The following MON1B variants were observed in gnomAD, a reference collection of about 807,000 sequenced individuals.
MON1B encodes the protein MON1 vesicular trafficking associated B.
MON1B carries 26 observed loss-of-function variants against 45.1 expected under a neutral mutation model. That is an observed-to-expected ratio of 0.58 (90% CI 0.42 to 0.80). The LOEUF (loss-of-function observed/expected upper bound fraction) is 0.80, where lower values mean the gene tolerates loss of function less well. Among genes scored for constraint, MON1B ranks in the 30% least tolerant of loss-of-function variants. The pLI is 0.00. For synonymous variants in MON1B, 395 were observed against 320.2 expected, an observed-to-expected ratio of 1.23 and a Z score of -2.49; for missense variants, 737 against 754.5, an observed-to-expected ratio of 0.98 and a Z score of 0.27.
intron 5 of MON1B, 43 bp downstream of exon 5, chr16:77,195,725 A>G (rs368413301): frequency 7.8e-5 from 126 of 1,607,034 alleles, no homozygotes; most frequent in Admixed American, 3.9e-4. Context: ...CCCCACTTCA[A>G]GCCTCCTTTC....
Position 77,195,601 on chromosome 16 carries a change from C to G in MON1B, c.1362C>G (p.Arg454=), listed in dbSNP as rs765963556. The change falls in exon 5 of 6, where the codon CGC becomes CGG. Residue 454 remains arginine, a synonymous_variant. Coordinates refer to ENST00000248248, the MANE Select transcript of MON1B (RefSeq NM_014940.4). ...ERQRLSDLYH[R]LHARLHSTSR... Reference sequence around the variant, plus strand: ...AGCGGCTGTCGGACCTGTACCACCGCCTGCATGCTCGTCTCCACAGCACCT... The same window carrying G: ...AGCGGCTGTCGGACCTGTACCACCGGCTGCATGCTCGTCTCCACAGCACCT... 1.2e-6 allele frequency: 2 copies of G among 1,614,150 alleles called. No homozygotes were observed. The highest frequency in any genetic ancestry group is 2.2e-5 in the South Asian group (2 of 91,084).
intron 5 of MON1B, among the ~76,000 whole-genome samples, chr16:77,196,631 C>T (rs1181095436): frequency 6.6e-6 from 1 of 152,092 alleles, no homozygotes; most frequent in Non-Finnish European, 1.5e-5. Flanking sequence ...CAAAAATTAG[C>T]TGGGCGTGGT....
rs2054653016 is a variant in MON1B at position 77,195,150 on chromosome 16, A to T, written c.1291A>T (p.Thr431Ser). The change falls in exon 4 of 6, where the codon ACC becomes TCC. Residue 431 changes from threonine to serine, a missense_variant. Coordinates refer to ENST00000248248, the MANE Select transcript of MON1B (RefSeq NM_014940.4). ...CCACCACCGCCAACTGCCCCAGTTTACCAGGTAGGCCCTGACCCTAAGGCA... is the reference window on the plus strand; with the variant it reads ...CCACCACCGCCAACTGCCCCAGTTTTCCAGGTAGGCCCTGACCCTAAGGCA... ...PDHHRQLPQF[T>S]SPELEAPYSR... 1 of 1,589,536 alleles carries T rather than the reference A, an allele frequency of 6.3e-7. No individual in the cohort carries two copies. Among genetic ancestry groups the T allele is most frequent in the African/African-American group, 1.3e-5 (1 of 74,746 alleles).
Position 77,195,569 on chromosome 16 carries a change from G to A in MON1B, c.1330G>A (p.Glu444Lys). 1 of 1,614,024 alleles carries A rather than the reference G, an allele frequency of 6.2e-7. No homozygotes were observed. Among genetic ancestry groups the A allele is most frequent in the East Asian group, 2.2e-5 (1 of 44,858 alleles). The change falls in exon 5 of 6, where the codon GAG becomes AAG. Residue 444 changes from glutamate to lysine, a missense_variant. By Grantham distance (56) the Glu-to-Lys change is moderately conservative (BLOSUM62 1). Coordinates refer to ENST00000248248, the MANE Select transcript of MON1B (RefSeq NM_014940.4). Reference sequence around the variant, plus strand: ...AGAGGCCCCCTACAGCAGAGAGGAGGAGCGGCAGCGGCTGTCGGACCTGTA... The same window carrying A: ...AGAGGCCCCCTACAGCAGAGAGGAGAAGCGGCAGCGGCTGTCGGACCTGTA... ...ELEAPYSREE[E>K]RQRLSDLYHR...
intron 1 of MON1B, 68 bp downstream of exon 1, chr16:77,191,326 G>GT (rs397715871): frequency 1.7e-4 from 264 of 1,545,682 alleles, no homozygotes; most frequent in Non-Finnish European, 2.2e-4. Flanking sequence ...TTGGAGGGGG[G>GT]ACGTATTTGG....
rs201491452 is a variant in MON1B, at chr16:77,193,491, G to A, written c.189G>A (p.Pro63=). ...ACCAGCCACCCAGCCCATCACCACC[G>A]CCCCAGTCAGAGGCCCTGTCAAGCA... ...DKDQPPSPSP[P]PQSEALSSTS... The change falls in exon 3 of 6, where the codon CCG becomes CCA. Residue 63 remains proline (P), a synonymous_variant. Coordinates refer to ENST00000248248, the MANE Select transcript of MON1B (RefSeq NM_014940.4). This position sits in a 1 kb window ranked among gnomAD's most constrained non-coding sequence, Gnocchi z 5.0. 103 of 1,595,796 alleles carry A rather than the reference G, an allele frequency of 6.5e-5. No individual in the cohort carries two copies. The highest frequency in any genetic ancestry group is 5.1e-4 in the African/African-American group (38 of 74,738).
chr16:77,195,683 G>C lies in MON1B; in HGVS notation c.1443+1G>C. The C allele has an allele frequency of 6.2e-7, 1 of 1,614,060 alleles. No homozygotes were observed. The highest frequency in any genetic ancestry group is 8.5e-7 in the Non-Finnish European group (1 of 1,179,974). ...TGAGAAGGAGACACTACTGGCCTGGGTAAGTTGGGCAGGGCTCTGAGTGAA... is the reference window on the plus strand; with the variant it reads ...TGAGAAGGAGACACTACTGGCCTGGCTAAGTTGGGCAGGGCTCTGAGTGAA... On this transcript the variant is annotated splice_donor_variant, in intron 5 of 5. Coordinates refer to ENST00000248248, the MANE Select transcript of MON1B (RefSeq NM_014940.4). LOFTEE classifies it high-confidence loss of function.
intron 5 of MON1B, 57 bp from the exon 6 acceptor site, chr16:77,198,051 A>G: frequency 1.3e-6 from 2 of 1,545,436 alleles, no homozygotes; most frequent in East Asian, 2.3e-5. Context: ...TGGGGTAGGC[A>G]GGATTGTCCA....
chr16:77,191,562 A>T lies in MON1B; in HGVS notation c.77A>T (p.Glu26Val). 1.2e-6 allele frequency: 2 copies of T among 1,608,980 alleles called. No individual in the cohort carries two copies. The highest frequency in any genetic ancestry group is 8.5e-7 in the Non-Finnish European group (1 of 1,178,710). The change falls in exon 2 of 6, where the codon GAG becomes GTG. Residue 26 changes from glutamate (E) to valine (V), a missense_variant. Coordinates refer to ENST00000248248, the MANE Select transcript of MON1B (RefSeq NM_014940.4). Reference protein sequence around the residue: ...EDLEDTQFPSEEAREGGGVHA... With the variant: ...EDLEDTQFPSVEAREGGGVHA... ...TTGGAGGACACGCAGTTCCCCAGTGAGGAAGCTAGAGAAGGTGGAGGGGTT... is the reference window on the plus strand; with the variant it reads ...TTGGAGGACACGCAGTTCCCCAGTGTGGAAGCTAGAGAAGGTGGAGGGGTT...
intron 5 of MON1B, among the ~76,000 whole-genome samples, chr16:77,197,170 G>A (rs1323892822): frequency 1.3e-5 from 2 of 151,876 alleles, no homozygotes; most frequent in African/African-American, 4.8e-5. Context: ...GGGAGTGGGC[G>A]GCGAGTCACA....
chr16:77,194,101 C>A lies in MON1B; in HGVS notation c.476-234C>A, dbSNP rs913133122. 5 of 611,034 alleles carry A rather than the reference C, an allele frequency of 8.2e-6. No homozygotes were observed. Among genetic ancestry groups the A allele is most frequent in the Non-Finnish European group, 1.2e-5 (4 of 342,642 alleles). 37.9% of individuals were successfully genotyped at this position (611,034 alleles called of 1,614,324 possible). A position where few individuals can be genotyped will look rare whatever the true frequency, so the allele number is the denominator to read the frequency against. On this transcript the variant is annotated intron_variant, in intron 3 of 5. Transcript: ENST00000248248. This position sits in a 1 kb window ranked among gnomAD's most constrained non-coding sequence, Gnocchi z 8.1. ...CCTTGTACCATCTCTACCCGCCTGC[C>A]CGTGGTCTTTGCTGTGTATCTAACC...
chr16:77,195,415 A>C (rs2054655359), intron 4 of MON1B, 120 bp from the exon 5 acceptor site: 3 of 1,299,810 alleles, frequency 2.3e-6, no homozygotes, highest in South Asian at 1.5e-5. Flanking sequence ...AGAATCCTCA[A>C]GTCTCATGGG....
Position 77,194,929 on chromosome 16 carries a change from G to A in MON1B, c.1070G>A (p.Arg357His), listed in dbSNP as rs372814782. 1 of 1,613,700 alleles carries A rather than the reference G, an allele frequency of 6.2e-7. No individual in the cohort carries two copies. Among genetic ancestry groups the A allele is most frequent in the African/African-American group, 1.3e-5 (1 of 75,068 alleles). Residue 357 changes from arginine (R) to histidine (H), a missense_variant, in exon 4 of 6, where the codon CGT becomes CAT. Arg to His is a conservative substitution (Grantham distance 29). Transcript: ENST00000248248. The surrounding 1 kb of genome is among the most constrained non-coding windows in gnomAD (Gnocchi z 8.1). ...TGCCTGCTGCTGCTTGGCACCCAAC[G>A]TGAAGCCTTCCATGCCATGGCCGCC... is the stretch of plus-strand genomic sequence containing the variant. The part of the protein sequence containing the change: ...PVCLLLLGTQ[R>H]EAFHAMAACR...
Position 77,200,272 on chromosome 16 carries a change from GTGTA to G in MON1B, c.*1966_*1969del, listed in dbSNP as rs1366210458. The G allele has an allele frequency of 1.1e-4, 9 of 84,654 alleles. 1 individual carries two copies. Among genetic ancestry groups the G allele is most frequent in the Non-Finnish European group, 1.4e-4 (6 of 42,936 alleles). 5.2% of individuals were successfully genotyped at this position (84,654 alleles called of 1,614,324 possible). A position where few individuals can be genotyped will look rare whatever the true frequency, so the allele number is the denominator to read the frequency against. On this transcript the variant is annotated 3_prime_UTR_variant, in exon 6 of 6. Transcript: ENST00000248248. ...TGTATATGTGTATATATATATATATGTGTATATATATATATATATACACACACTA... is the reference window on the plus strand; with the variant it reads ...TGTATATGTGTATATATATATATATGTATATATATATATATACACACACTA...
chr16:77,199,374 A>T lies in MON1B; in HGVS notation c.*1066A>T, dbSNP rs1279808437. 2.1e-6 allele frequency: 3 copies of T among 1,456,094 alleles called. No homozygotes were observed. Among genetic ancestry groups the T allele is most frequent in the Non-Finnish European group, 2.8e-6 (3 of 1,065,074 alleles). 90.2% of individuals were successfully genotyped at this position (1,456,094 alleles called of 1,614,324 possible). ...CCGCGGGTTGCACGCATGCGTGCTG[A>T]AAAGCCTTTCACCCTCACGTGGTTT... On this transcript the variant is annotated 3_prime_UTR_variant, in exon 6 of 6. Transcript: ENST00000248248.
At chr16:77,191,355 C>T (rs1475387865) in intron 1 of MON1B, 97 bp downstream of exon 1, 6 of 1,564,604 alleles carry the variant, frequency 3.8e-6, no homozygotes, top group South Asian at 1.1e-5. Flanking sequence ...TTGGATGTCT[C>T]GTCCTATTGA....
intron 5 of MON1B, 132 bp from the exon 6 acceptor site, chr16:77,197,976 G>A (rs73632722): frequency 0.014 from 12,197 of 866,948 alleles, 630 homozygotes; most frequent in African/African-American, 0.14. Context: ...TATCTAGGCA[G>A]CACCTGGTAG....
chr16:77,191,473 C>T lies in MON1B; in HGVS notation c.-10-3C>T. The T allele has an allele frequency of 6.3e-7, 1 of 1,596,026 alleles. No individual in the cohort carries two copies. Among genetic ancestry groups the T allele is most frequent in the South Asian group, 1.1e-5 (1 of 89,158 alleles). On this transcript the variant is annotated splice_polypyrimidine_tract_variant and splice_region_variant and intron_variant, in intron 1 of 5. Transcript: ENST00000248248. ...CGTCACCCTCGATTCCCCTCCCACTCAGGGATGTGCAGATGGAGGTCGGAG... is the reference window on the plus strand; with the variant it reads ...CGTCACCCTCGATTCCCCTCCCACTTAGGGATGTGCAGATGGAGGTCGGAG...
In MON1B at chr16:77,201,789, A is replaced by G. The variant is rs531936541; in HGVS notation, c.*3481A>G. 6.6e-6 allele frequency: 1 copy of G among 152,318 alleles called. No individual in the cohort carries two copies. The highest frequency in any genetic ancestry group is 1.9e-4 in the East Asian group (1 of 5,186). 9.4% of individuals were successfully genotyped at this position (152,318 alleles called of 1,614,324 possible). ...AAAAAATTCTAATTTAAATGTATTAAATTATAAGTTCTAATTTAAATGTAT... is the reference window on the plus strand; with the variant it reads ...AAAAAATTCTAATTTAAATGTATTAGATTATAAGTTCTAATTTAAATGTAT... On this transcript the variant is annotated 3_prime_UTR_variant, in exon 6 of 6. Coordinates refer to ENST00000248248, the MANE Select transcript of MON1B (RefSeq NM_014940.4).
Sources: gnomAD v4.1 joint callset for allele counts (sites outside exome capture counted in the v4.1 genomes callset) on GRCh38, gnomAD v4.1.1 for gene constraint, Gnocchi (gnomAD v3.1) non-coding constraint, MANE v1.5 for transcripts, NCBI Gene and HGNC (gene_info 2026-07-23, HGNC 2026-07-21) for gene names.